SLC9A1: variants seen among roughly 807,000 people sequenced by gnomAD.
The protein encoded by SLC9A1 is sodium/hydrogen exchanger 1.
SLC9A1 carries 22 observed loss-of-function variants against 67.9 expected under a neutral mutation model. That is an observed-to-expected ratio of 0.32 (90% CI 0.23 to 0.46). The LOEUF (loss-of-function observed/expected upper bound fraction) is 0.46, where lower values mean the gene tolerates loss of function less well. Among genes scored for constraint, SLC9A1 ranks in the 20% least tolerant of loss-of-function variants. SLC9A1 has a pLI of 1.00. For synonymous variants in SLC9A1, 421 were observed against 471.8 expected (o/e 0.89, Z 1.40); for missense variants, 686 against 1,094.8 (o/e 0.63, Z 5.27).
Position 27,101,742 on chromosome 1 carries a change from G to C in SLC9A1, c.2020C>G (p.Arg674Gly), listed in dbSNP as rs756321872. ...GAGGCTACCTTCTGCTCCAGCTGCC[G>C]GGCCTTCTGCCTCCGGAGCAGCATC... ...NQMLLRRQKA[R>G]QLEQKINNYL... The change falls in exon 10 of 12, where the codon CGG becomes GGG. Residue 674 changes from arginine to glycine, a missense_variant. Around this residue, in one of 7 missense-constraint regions of SLC9A1, gnomAD observed 226 missense variants for 282.4 expected, o/e 0.80. Transcript: ENST00000263980. This position sits in a 1 kb window ranked among gnomAD's most constrained non-coding sequence, Gnocchi z 4.9. The C allele has an allele frequency of 6.2e-7, 1 of 1,612,086 alleles. No homozygotes were observed. The highest frequency in any genetic ancestry group is 8.5e-7 in the Non-Finnish European group (1 of 1,178,980).
chr1:27,131,751 A>G (rs2083385924), intron 1 of SLC9A1, among the ~76,000 whole-genome samples: 1 of 149,108 alleles, frequency 6.7e-6, no homozygotes. Context: ...GTCTCAAAAA[A>G]AAAAAAAAAA....
Position 27,109,664 on chromosome 1 carries a change from G to A in SLC9A1, c.927C>T (p.Gly309=), listed in dbSNP as rs771086329. The part of the protein sequence containing the change: ...FVVALGGVLV[G]VVYGVIAAFT... The stretch of plus-strand genomic sequence containing the variant: ...AGGCTGCGATGACCCCGTAGACCAC[G>A]CCCACAAGCACCCCGCCCAGGGCCA... Residue 309 remains glycine, a synonymous_variant, in exon 3 of 12, where the codon GGC becomes GGT. Transcript: ENST00000263980. This position sits in a 1 kb window ranked among gnomAD's most constrained non-coding sequence, Gnocchi z 5.5. The A allele has an allele frequency of 1.3e-5, 21 of 1,613,754 alleles. No homozygotes were observed. The Admixed American group carries it at 2.3e-4, about 18-fold the overall frequency.
At chr1:27,115,470 T>C (rs2083258211) in intron 1 of SLC9A1, among the ~76,000 whole-genome samples, 1 of 152,134 alleles carries the variant, frequency 6.6e-6, no homozygotes, top group African/African-American at 2.4e-5. Flanking sequence ...TTGGGTACTA[T>C]GCTCCCAGGG....
chr1:27,128,649 CCT>C (rs2083362026), intron 1 of SLC9A1, among the ~76,000 whole-genome samples: 1 of 145,624 alleles, frequency 6.9e-6, no homozygotes, highest in Non-Finnish European at 1.5e-5. Context: ...AGGGTGAGAC[CCT>C]GTCTTTAAAA....
At chr1:27,115,589 G>C (rs2083267169) in intron 1 of SLC9A1, among the ~76,000 whole-genome samples, 1 of 151,910 alleles carries the variant, frequency 6.6e-6, no homozygotes, top group East Asian at 1.9e-4. Flanking sequence ...GAGGTGGGAG[G>C]AACACTTGAG....
chr1:27,119,300 T>C (rs1470215572), intron 1 of SLC9A1, among the ~76,000 whole-genome samples: 2 of 152,094 alleles, frequency 1.3e-5, no homozygotes, highest in Non-Finnish European at 2.9e-5. Context: ...AACCCTCCTC[T>C]GGCCTGGGAA....
At chr1:27,121,379 CT>C (rs2083303406) in intron 1 of SLC9A1, among the ~76,000 whole-genome samples, 1 of 152,198 alleles carries the variant, frequency 6.6e-6, no homozygotes, top group Non-Finnish European at 1.5e-5. Context: ...CCACTCTGCC[CT>C]TTAGTAACCA....
intron 1 of SLC9A1, among the ~76,000 whole-genome samples, chr1:27,145,826 A>G (rs1021490104): frequency 5.3e-5 from 8 of 152,188 alleles, no homozygotes; most frequent in African/African-American, 1.9e-4. Context: ...TAGACCCCAA[A>G]ATCGGCTCTG....
At chr1:27,135,672 G>A (rs1160582589) in intron 1 of SLC9A1, among the ~76,000 whole-genome samples, 1 of 152,110 alleles carries the variant, frequency 6.6e-6, no homozygotes, top group South Asian at 2.1e-4. Flanking sequence ...GCTCAGAGCA[G>A]CTTTATTCAC....
chr1:27,140,508 T>C (rs556067558), intron 1 of SLC9A1, among the ~76,000 whole-genome samples: 2 of 152,054 alleles, frequency 1.3e-5, no homozygotes, highest in Non-Finnish European at 2.9e-5. Flanking sequence ...CCAGGAATAG[T>C]AGCAACTCCC....
chr1:27,123,337 T>C (rs2083317806), intron 1 of SLC9A1, among the ~76,000 whole-genome samples: 1 of 152,176 alleles, frequency 6.6e-6, no homozygotes. Flanking sequence ...TGAAGACTTT[T>C]CTGTATCTAT....
Position 27,118,826 on chromosome 1 carries a change from C to T in SLC9A1, c.353-4540G>A, listed in dbSNP as rs2083288027. Among the ~76,000 whole-genome samples the T allele has an allele frequency of 6.6e-6, 1 of 152,158 alleles. No individual in the cohort carries two copies. The highest frequency in any genetic ancestry group is 6.5e-5 in the Admixed American group (1 of 15,276). Reference sequence around the variant, plus strand: ...TCAATGATCACATGTCCAGTTCTACCCCAGCAGTCTGTGACACTCCAAGCC... The same window carrying T: ...TCAATGATCACATGTCCAGTTCTACTCCAGCAGTCTGTGACACTCCAAGCC... On this transcript the variant is annotated intron_variant, in intron 1 of 11. Coordinates refer to ENST00000263980, the MANE Select transcript of SLC9A1 (RefSeq NM_003047.5). The surrounding 1 kb of genome is among the most constrained non-coding windows in gnomAD (Gnocchi z 4.3).
intron 1 of SLC9A1, among the ~76,000 whole-genome samples, chr1:27,131,619 G>A (rs1337112434): frequency 1.1e-4 from 16 of 151,294 alleles, no homozygotes; most frequent in Non-Finnish European, 1.8e-4. Flanking sequence ...GTGGTGGCGC[G>A]CGCCTGTAGT....
chr1:27,107,043 G>A (rs1273724747), intron 4 of SLC9A1, among the ~76,000 whole-genome samples: 3 of 150,282 alleles, frequency 2.0e-5, no homozygotes, highest in Non-Finnish European at 4.4e-5. Flanking sequence ...GAGCAGGCAG[G>A]AGCCAACCAG....
chr1:27,140,443 TACCTAAA>T (rs1244538054), intron 1 of SLC9A1, among the ~76,000 whole-genome samples: 1 of 152,114 alleles, frequency 6.6e-6, no homozygotes, highest in African/African-American at 2.4e-5. Flanking sequence ...CCAGTCCATA[TACCTAAA>T]ACCATCCTCC....
In SLC9A1 at chr1:27,101,333, G is replaced by T; in HGVS notation, c.2038-58C>A. ...CAGCTGGGCAGAGGGAGCCCCTCAG[G>T]ACAGAACCCGGCCAGTGCACACCCC... On this transcript the variant is annotated intron_variant, in intron 10 of 11. Transcript: ENST00000263980. This position sits in a 1 kb window ranked among gnomAD's most constrained non-coding sequence, Gnocchi z 4.9. The T allele has an allele frequency of 7.2e-7, 1 of 1,394,674 alleles. No homozygotes were observed. The highest frequency in any genetic ancestry group is 1.0e-6 in the Non-Finnish European group (1 of 988,966). The allele number at this position is 1,394,674 out of a possible 1,614,324, so 86.4% of individuals were successfully genotyped here.
intron 1 of SLC9A1, among the ~76,000 whole-genome samples, chr1:27,136,703 A>G (rs1271509236): frequency 1.3e-5 from 2 of 151,914 alleles, no homozygotes; most frequent in Non-Finnish European, 2.9e-5. Context: ...CTCCTACACA[A>G]TCCCCGTCCC....
chr1:27,132,458 A>G (rs895694752), intron 1 of SLC9A1, among the ~76,000 whole-genome samples: 1 of 152,042 alleles, frequency 6.6e-6, no homozygotes, highest in Non-Finnish European at 1.5e-5. Context: ...ATTCAAGGTC[A>G]CCCGGTTCCA....
Position 27,154,099 on chromosome 1 carries a change from G to A in SLC9A1, c.236C>T (p.Thr79Ile), listed in dbSNP as rs1246942740. The A allele has an allele frequency of 6.2e-7, 1 of 1,614,018 alleles. No individual in the cohort carries two copies. The highest frequency in any genetic ancestry group is 1.3e-5 in the African/African-American group (1 of 74,940). ...PESRPVNHSVTDHGMKPRKAF... is the reference protein window; with the variant it reads ...PESRPVNHSVIDHGMKPRKAF... ...CTTGCGCGGCTTCATGCCATGATCA[G>A]TGACGGAATGATTAACAGGGCGGCT... The change falls in exon 1 of 12, where the codon ACT becomes ATT. Residue 79 changes from threonine to isoleucine, a missense_variant. By Grantham distance (89) the Thr-to-Ile change is moderately conservative. Transcript: ENST00000263980.
Sources: gnomAD v4.1 joint callset for allele counts (sites outside exome capture counted in the v4.1 genomes callset) on GRCh38, gnomAD v4.1.1 for gene constraint, gnomAD v4.1.1 regional missense constraint, Gnocchi (gnomAD v3.1) non-coding constraint, MANE v1.5 for transcripts, NCBI Gene and HGNC (gene_info 2026-07-23, HGNC 2026-07-21) for gene names.